Variants in CCBE1 observed in about 807,000 individuals in gnomAD.
CCBE1 encodes the protein collagen and calcium binding EGF domains 1, also known as collagen and calcium-binding EGF domain-containing protein 1.
A neutral mutation model predicts 50.0 loss-of-function variants in CCBE1; 37 were observed. The observed-to-expected ratio is 0.74, with a 90% CI of 0.57 to 0.97. The LOEUF is 0.97. Among genes scored for constraint, CCBE1 ranks in the 50% least tolerant of loss-of-function variants. The pLI is 0.00. For synonymous variants in CCBE1, 234 were observed against 203.7 expected (o/e 1.15, Z -1.27); for missense variants, 538 against 523.8 (o/e 1.03, Z -0.26).
chr18:59,696,695 T>C lies in CCBE1; in HGVS notation c.146A>G (p.Glu49Gly). The change falls in exon 2 of 11, where the codon GAG becomes GGG. Residue 49 changes from glutamate (E) to glycine (G), a missense_variant. Coordinates refer to ENST00000439986, the MANE Select transcript of CCBE1 (RefSeq NM_133459.4). ...GTATTTAGTCGTCGCGATTTTGCTC[T>C]CTGAGCAGATTTCTCTATGAAAAAG... ...PEDGDREICS[E>G]SKIATTKYPC... 1.2e-6 allele frequency: 2 copies of C among 1,613,986 alleles called. No homozygotes were observed. The highest frequency in any genetic ancestry group is 1.7e-6 in the Non-Finnish European group (2 of 1,179,890).
chr18:59,680,611 T>C (rs1235640118), intron 2 of CCBE1, among the ~76,000 whole-genome samples: 4 of 151,158 alleles, frequency 2.6e-5, no homozygotes, highest in South Asian at 4.2e-4. Context: ...GGCAGGAGAA[T>C]GGCGTGAACC....
At chr18:59,564,229 T>G (rs939969200) in intron 2 of CCBE1, among the ~76,000 whole-genome samples, 4 of 152,244 alleles carry the variant, frequency 2.6e-5, no homozygotes, top group African/African-American at 9.6e-5. Flanking sequence ...AAAATTCATA[T>G]TTTATAGAAA....
chr18:59,470,123 G>A (rs996911794), intron 3 of CCBE1, among the ~76,000 whole-genome samples: 12 of 152,156 alleles, frequency 7.9e-5, no homozygotes, highest in African/African-American at 2.7e-4. Context: ...AGACATACCT[G>A]AGACTGGGTA....
At chr18:59,531,471 T>A (rs1915047200) in intron 2 of CCBE1, among the ~76,000 whole-genome samples, 1 of 152,064 alleles carries the variant, frequency 6.6e-6, no homozygotes, top group South Asian at 2.1e-4. Flanking sequence ...GAACAAAAAT[T>A]ATGAGACACC....
intron 2 of CCBE1, among the ~76,000 whole-genome samples, chr18:59,491,353 T>G (rs996531042): frequency 6.6e-6 from 1 of 152,208 alleles, no homozygotes; most frequent in African/African-American, 2.4e-5. Context: ...TGGATCCATT[T>G]GTAGGATTTA....
At chr18:59,620,355 G>A (rs953672186) in intron 2 of CCBE1, among the ~76,000 whole-genome samples, 8 of 152,270 alleles carry the variant, frequency 5.3e-5, no homozygotes, top group African/African-American at 1.7e-4. Context: ...GTTGGAGGAG[G>A]TAGAAAAGGG....
chr18:59,671,188 G>C (rs1024101413), intron 2 of CCBE1, among the ~76,000 whole-genome samples: 1 of 151,938 alleles, frequency 6.6e-6, no homozygotes. Context: ...AGCCATTTGA[G>C]TACCCTACAA....
intron 2 of CCBE1, among the ~76,000 whole-genome samples, chr18:59,504,363 A>G (rs190194166): frequency 2.7e-5 from 4 of 149,616 alleles, no homozygotes; most frequent in Non-Finnish European, 5.9e-5. Context: ...TGTTAGTAGT[A>G]TCTGATCCTA....
chr18:59,492,579 G>C (rs968457686), intron 2 of CCBE1, among the ~76,000 whole-genome samples: 1 of 152,160 alleles, frequency 6.6e-6, no homozygotes, highest in Non-Finnish European at 1.5e-5. Context: ...TTGCGGAGGT[G>C]ATGAGCCATT....
At chr18:59,445,263 A>G (rs991550336) in intron 7 of CCBE1, among the ~76,000 whole-genome samples, 2 of 152,332 alleles carry the variant, frequency 1.3e-5, no homozygotes, top group African/African-American at 2.4e-5. Flanking sequence ...ATGCAGAAGG[A>G]CATTGTGTTT....
chr18:59,474,840 G>T (rs1006002513), intron 3 of CCBE1, among the ~76,000 whole-genome samples: 1 of 152,140 alleles, frequency 6.6e-6, no homozygotes, highest in African/African-American at 2.4e-5. Context: ...GGTGTAAATT[G>T]GGGTTGCTCC....
chr18:59,523,445 T>C (rs544151321), intron 2 of CCBE1, among the ~76,000 whole-genome samples: 1 of 151,896 alleles, frequency 6.6e-6, no homozygotes, highest in East Asian at 1.9e-4. Flanking sequence ...TATCTCAATT[T>C]CTTCAACTGT....
At chr18:59,588,629 A>G (rs1216090729) in intron 2 of CCBE1, among the ~76,000 whole-genome samples, 2 of 152,192 alleles carry the variant, frequency 1.3e-5, no homozygotes, top group Non-Finnish European at 2.9e-5. Flanking sequence ...TCTTAATTCT[A>G]GAGGGCCCCT....
intron 5 of CCBE1, chr18:59,462,415 T>G (rs572080445): frequency 6.6e-6 from 1 of 151,316 alleles, no homozygotes; most frequent in African/African-American, 2.4e-5. Context: ...TTTCTTTTCT[T>G]TTTTTTTTGA....
chr18:59,549,790 T>G (rs1411473888), intron 2 of CCBE1, among the ~76,000 whole-genome samples: 3 of 152,224 alleles, frequency 2.0e-5, no homozygotes, highest in Non-Finnish European at 4.4e-5. Flanking sequence ...CATTGGTCAG[T>G]GATTGCACTG....
intron 2 of CCBE1, among the ~76,000 whole-genome samples, chr18:59,668,316 G>T (rs1599119201): frequency 6.6e-6 from 1 of 152,162 alleles, no homozygotes. Context: ...TACTCTGGAG[G>T]CTGAAGCAGA....
At chr18:59,592,656 T>A (rs962612409) in intron 2 of CCBE1, among the ~76,000 whole-genome samples, 2 of 152,212 alleles carry the variant, frequency 1.3e-5, no homozygotes, top group Non-Finnish European at 2.9e-5. Flanking sequence ...CGTCTACTTA[T>A]GTTTACAAAA....
chr18:59,504,130 A>C (rs1428271656), intron 2 of CCBE1, among the ~76,000 whole-genome samples: 2 of 152,220 alleles, frequency 1.3e-5, no homozygotes, highest in Non-Finnish European at 2.9e-5. Flanking sequence ...ATCAAACATC[A>C]TTGAGTTTTT....
chr18:59,651,862 T>C (rs904535123), intron 2 of CCBE1, among the ~76,000 whole-genome samples: 1 of 152,250 alleles, frequency 6.6e-6, no homozygotes, highest in Non-Finnish European at 1.5e-5. Context: ...TTTACACATA[T>C]ACAGTGTGTA....
Sources: gnomAD v4.1 joint callset for allele counts (sites outside exome capture counted in the v4.1 genomes callset) on GRCh38, gnomAD v4.1.1 for gene constraint, MANE v1.5 for transcripts, NCBI Gene and HGNC (gene_info 2026-07-23, HGNC 2026-07-21) for gene names.